TMEM230: variants seen among roughly 807,000 people sequenced by gnomAD.
TMEM230 encodes the protein UPF0414 transmembrane protein C20orf30.
In TMEM230, 10 loss-of-function variants were observed where a neutral mutation model predicts 15.8. The ratio of observed to expected loss-of-function variants is 0.63; its 90% CI spans 0.39 to 1.07. The LOEUF is 1.07. TMEM230 is among the 50% of genes least tolerant of loss of function. The pLI is 0.01. For missense variants in TMEM230, 165 were observed against 193.3 expected (o/e 0.85, Z 0.87); for synonymous variants, 67 against 76.9 (o/e 0.87, Z 0.68).
At chr20:5,069,403 C>T in intron 3 of TMEM230, 2 of 1,479,080 alleles carry the variant, frequency 1.4e-6, no homozygotes. Flanking sequence ...CTCTTCAACC[C>T]TCAAAAAATC....
downstream of TMEM230, among the ~76,000 whole-genome samples, chr20:5,065,765 C>T (rs2088646373): frequency 6.6e-6 from 1 of 152,204 alleles, no homozygotes; most frequent in Non-Finnish European, 1.5e-5. Flanking sequence ...AGTGACCAGT[C>T]CACAGACTGG....
At position 5,111,726 on chromosome 20, in the gene TMEM230, T is replaced by A. The variant is rs186788998; in HGVS notation, c.69-121A>T. The A allele has an allele frequency of 1.2e-3, 1,157 of 936,268 alleles. 2 individuals carry two copies. Among genetic ancestry groups the A allele is most frequent in the Admixed American group, 5.1e-3 (82 of 16,022 alleles). 58.0% of individuals were successfully genotyped at this position (936,268 alleles called of 1,614,324 possible). Reference sequence around the variant, plus strand: ...TCTGGGATGGCATTTTTAAAATTCATCATTATCATCATCACAATAATGGTG... The same window carrying A: ...TCTGGGATGGCATTTTTAAAATTCAACATTATCATCATCACAATAATGGTG... On this transcript the variant is annotated intron_variant, in intron 1 of 4. Transcript: ENST00000342308.
downstream of TMEM230, among the ~76,000 whole-genome samples, chr20:5,066,925 C>T (rs761336664): frequency 5.3e-5 from 8 of 152,012 alleles, no homozygotes; most frequent in Non-Finnish European, 7.4e-5. Flanking sequence ...CCTGTTTAAG[C>T]TTTTAATTGC....
chr20:5,072,183 C>G (rs915748984), intron 3 of TMEM230, among the ~76,000 whole-genome samples: 76 of 152,040 alleles, frequency 5.0e-4, no homozygotes, highest in African/African-American at 1.8e-3. Context: ...GCTGAGTAGC[C>G]AGGACTATAG....
At chr20:5,111,129 C>CCTCG (rs2090298258) in intron 2 of TMEM230, 1 of 151,446 alleles carries the variant, frequency 6.6e-6, no homozygotes, top group Non-Finnish European at 1.5e-5. Flanking sequence ...TTACAGTGAG[C>CCTCG]CGAGACTGCA....
chr20:5,109,327 T>A lies in TMEM230; in HGVS notation c.288+5A>T. 1 of 1,608,800 alleles carries A rather than the reference T, an allele frequency of 6.2e-7. No individual in the cohort carries two copies. The highest frequency in any genetic ancestry group is 8.5e-7 in the Non-Finnish European group (1 of 1,177,080). ...TCAGTCTTGTCAGTTCTCTTCTGCA[T>A]TTACCTGAAGGTCAATGTAGCCATC... is the stretch of plus-strand genomic sequence containing the variant. On this transcript the variant is annotated splice_donor_5th_base_variant and intron_variant, in intron 3 of 4. Coordinates refer to ENST00000342308, the MANE Select transcript of TMEM230 (RefSeq NM_001009923.2).
chr20:5,088,932 A>C (rs953853928), intron 3 of TMEM230, among the ~76,000 whole-genome samples: 2 of 152,232 alleles, frequency 1.3e-5, no homozygotes, highest in African/African-American at 4.8e-5. Context: ...ACTTAGTATA[A>C]TAGATTTTAA....
At chr20:5,112,917 C>T in intron 1 of TMEM230, 44 bp downstream of exon 1, 1 of 1,549,174 alleles carries the variant, frequency 6.5e-7, no homozygotes, top group South Asian at 1.2e-5. Flanking sequence ...GCCCAGAGCC[C>T]GAGAGGACGG....
At chr20:5,088,003 TAA>T (rs144929003) in intron 3 of TMEM230, among the ~76,000 whole-genome samples, 5 of 113,420 alleles carry the variant, frequency 4.4e-5, no homozygotes, top group Admixed American at 8.8e-5. Context: ...AGGATATACC[TAA>T]AAAAAAAAAA....
intron 3 of TMEM230, 24 bp from the exon 3 acceptor site, chr20:5,106,334 A>C (rs756007994): frequency 6.3e-7 from 1 of 1,577,656 alleles, no homozygotes; most frequent in Non-Finnish European, 8.6e-7. Flanking sequence ...AGAGATGAAA[A>C]AGACAACGAA....
At position 5,100,049 on chromosome 20, in the gene TMEM230, A is replaced by C; in HGVS notation, c.*742T>G. On this transcript the variant is annotated 3_prime_UTR_variant, in exon 5 of 5. Transcript: ENST00000342308. The stretch of plus-strand genomic sequence containing the variant: ...TGCTAGCAATACGGCTATAAACTCT[A>C]AATAATAACCACTACATGTTTCATT... 1.0e-6 allele frequency: 1 copy of C among 985,402 alleles called. No homozygotes were observed. The highest frequency in any genetic ancestry group is 1.2e-6 in the Non-Finnish European group (1 of 829,902). The allele number at this position is 985,402 out of a possible 1,614,324, so 61.0% of individuals were successfully genotyped here.
At chr20:5,110,596 C>T (rs933315709) in intron 2 of TMEM230, among the ~76,000 whole-genome samples, 1 of 152,180 alleles carries the variant, frequency 6.6e-6, no homozygotes, top group African/African-American at 2.4e-5. Flanking sequence ...AATTTGGATA[C>T]AGGCCTGGCT....
At chr20:5,073,789 A>G (rs911000724) in intron 3 of TMEM230, among the ~76,000 whole-genome samples, 17 of 152,240 alleles carry the variant, frequency 1.1e-4, no homozygotes, top group African/African-American at 3.1e-4. Flanking sequence ...GCTGAAGCCA[A>G]TTAAGAAATA....
At chr20:5,095,886 A>G (rs2089652003), downstream of TMEM230, among the ~76,000 whole-genome samples, 2 of 152,336 alleles carry the variant, frequency 1.3e-5, no homozygotes, top group South Asian at 4.1e-4. Context: ...GAAAAAATAG[A>G]GGAAAAACAA....
At chr20:5,111,450 A>G (rs1036603598) in intron 2 of TMEM230, 5 of 180,852 alleles carry the variant, frequency 2.8e-5, no homozygotes, top group African/African-American at 9.6e-5. Flanking sequence ...CTCTACTAGA[A>G]ATACAAAAAT....
downstream of TMEM230, among the ~76,000 whole-genome samples, chr20:5,065,255 A>G (rs1407009): frequency 6.9e-3 from 1,035 of 149,824 alleles, 12 homozygotes; most frequent in African/African-American, 0.024. Flanking sequence ...CCATCTCTCA[A>G]AAAAAAAAAG....
chr20:5,105,042 T>C (rs1302094544), intron 4 of TMEM230, among the ~76,000 whole-genome samples: 5 of 152,238 alleles, frequency 3.3e-5, no homozygotes, highest in Non-Finnish European at 7.3e-5. Context: ...CCCAGCACTT[T>C]AGGAGGCCCA....
chr20:5,110,675 T>C (rs1037875697), intron 2 of TMEM230, among the ~76,000 whole-genome samples: 11 of 152,310 alleles, frequency 7.2e-5, no homozygotes, highest in Admixed American at 6.5e-4. Flanking sequence ...GATTTCATTT[T>C]CCTAATTACT....
Position 5,094,704 on chromosome 20 carries a change from CA to C in TMEM230, c.222+11483del, listed in dbSNP as rs774664710. Among the ~76,000 whole-genome samples, 387 of 61,582 alleles carry C rather than the reference CA, an allele frequency of 6.3e-3. 1 individual carries two copies. Among genetic ancestry groups the C allele is most frequent in the Admixed American group, 0.013 (61 of 4,568 alleles). 40.4% of individuals were successfully genotyped at this position (61,582 alleles called of 152,430 possible). A position where few individuals can be genotyped will look rare whatever the true frequency, so the allele number is the denominator to read the frequency against. On this transcript the variant is annotated intron_variant, in intron 3 of 3. Transcript: ENST00000612323. ...CCTGGGACAGAGCTAGACTCCATCT[CA>C]AAAAAAAAAAAAAAAAAAAAAAATT...
Sources: gnomAD v4.1 joint callset for allele counts (sites outside exome capture counted in the v4.1 genomes callset) on GRCh38, gnomAD v4.1.1 for gene constraint, MANE v1.5 for transcripts, NCBI Gene and HGNC (gene_info 2026-07-23, HGNC 2026-07-21) for gene names.